MSI2: variants seen among roughly 807,000 people sequenced by gnomAD.
MSI2 encodes the protein musashi RNA binding protein 2.
Under a neutral mutation model 45.6 loss-of-function variants are expected in MSI2, and 17 were observed. The ratio of observed to expected loss-of-function variants is 0.37; its 90% CI spans 0.26 to 0.56. The LOEUF (loss-of-function observed/expected upper bound fraction) is 0.56, where lower values mean the gene tolerates loss of function less well. Among genes scored for constraint, MSI2 ranks in the 20% least tolerant of loss-of-function variants. The pLI is 0.77. For missense variants in MSI2, 293 were observed against 444.2 expected (o/e 0.66, Z 3.06); for synonymous variants, 156 against 158.2 (o/e 0.99, Z 0.11).
chr17:57,414,125 A>ATTCAGTTTTAT (rs2084248995), intron 6 of MSI2, among the ~76,000 whole-genome samples: 2 of 149,910 alleles, frequency 1.3e-5, no homozygotes, highest in African/African-American at 5.1e-5. Flanking sequence ...AGAAACCAGG[A>ATTCAGTTTTAT]GCTGAGAGAA....
chr17:57,504,553 G>A (rs747640597), intron 6 of MSI2, among the ~76,000 whole-genome samples: 3 of 152,124 alleles, frequency 2.0e-5, no homozygotes, highest in Non-Finnish European at 2.9e-5. Flanking sequence ...AAAAGTAACC[G>A]GGTCACAGTC....
intron 5 of MSI2, among the ~76,000 whole-genome samples, chr17:57,272,333 G>A (rs1396243074): frequency 2.6e-5 from 4 of 152,112 alleles, no homozygotes; most frequent in African/African-American, 4.8e-5. Context: ...GATACCTGCC[G>A]GAGCCTGGCT....
At chr17:57,513,188 G>A (rs991894063) in intron 6 of MSI2, among the ~76,000 whole-genome samples, 10 of 151,906 alleles carry the variant, frequency 6.6e-5, no homozygotes, top group Admixed American at 4.6e-4. Context: ...TGGTTAGGCT[G>A]GTCTCAAACT....
chr17:57,412,960 G>A (rs1369969435), intron 6 of MSI2, among the ~76,000 whole-genome samples: 1 of 152,228 alleles, frequency 6.6e-6, no homozygotes, highest in African/African-American at 2.4e-5. Flanking sequence ...CCATAGGGTT[G>A]TCATGAGGAT....
Position 57,681,820 on chromosome 17 carries a change from A to AC in MSI2, c.*2303_*2304insC, listed in dbSNP as rs573871239. 108 of 124,484 alleles carry AC rather than the reference A, an allele frequency of 8.7e-4. 2 individuals carry two copies. The highest frequency in any genetic ancestry group is 3.3e-3 in the African/African-American group (101 of 30,988). 7.7% of individuals were successfully genotyped at this position (124,484 alleles called of 1,614,324 possible). A position where few individuals can be genotyped will look rare whatever the true frequency, so the allele number is the denominator to read the frequency against. ...AAACAACAAAACATAAGTTTTATTTAAAAAAAAAAAAAGAAAGAAAAAATA... is the reference window on the plus strand; with the variant it reads ...AAACAACAAAACATAAGTTTTATTTACAAAAAAAAAAAAGAAAGAAAAAATA... On this transcript the variant is annotated 3_prime_UTR_variant, in exon 14 of 14. Coordinates refer to ENST00000284073, the MANE Select transcript of MSI2 (RefSeq NM_138962.4).
chr17:57,392,179 G>T (rs977360926), intron 5 of MSI2, among the ~76,000 whole-genome samples: 3 of 152,142 alleles, frequency 2.0e-5, no homozygotes, highest in Admixed American at 2.0e-4. Flanking sequence ...TACCTTTGTC[G>T]GTTACCTCCC....
In MSI2 at chr17:57,590,987, C is replaced by T. The variant is rs551321890; in HGVS notation, c.455-5881C>T. Reference sequence around the variant, plus strand: ...TTCACAGGGGTAACCCAGAGGGCCCCGATGGAGTGCCAGCCCTCACAGACT... The same window carrying T: ...TTCACAGGGGTAACCCAGAGGGCCCTGATGGAGTGCCAGCCCTCACAGACT... On this transcript the variant is annotated intron_variant, in intron 7 of 13. Transcript: ENST00000284073. 4.6e-5 allele frequency among the ~76,000 whole-genome samples: 7 copies of T among 152,308 alleles called. No individual in the cohort carries two copies. The South Asian group carries it at 1.0e-3, about 23-fold the overall frequency.
At chr17:57,292,700 C>T (rs1254245594) in intron 5 of MSI2, among the ~76,000 whole-genome samples, 2 of 152,148 alleles carry the variant, frequency 1.3e-5, no homozygotes, top group Non-Finnish European at 2.9e-5. Context: ...TGTGGCTCCA[C>T]GATGCCCTTG....
At chr17:57,433,054 C>A (rs1267780438) in intron 6 of MSI2, among the ~76,000 whole-genome samples, 1 of 152,174 alleles carries the variant, frequency 6.6e-6, no homozygotes, top group Admixed American at 6.5e-5. Flanking sequence ...CAGTTCACGT[C>A]CGTGGGCCCT....
chr17:57,671,210 C>A (rs1912747275), intron 11 of MSI2, among the ~76,000 whole-genome samples: 1 of 152,180 alleles, frequency 6.6e-6, no homozygotes, highest in Non-Finnish European at 1.5e-5. Flanking sequence ...TAGAGCAGGG[C>A]TTGTCCCAAG....
intron 7 of MSI2, among the ~76,000 whole-genome samples, chr17:57,535,619 AG>A (rs1346668673): frequency 7.9e-5 from 12 of 152,198 alleles, no homozygotes; most frequent in Admixed American, 6.5e-5. Context: ...ACCCACTGGA[AG>A]GGGGTGGGAT....
intron 9 of MSI2, among the ~76,000 whole-genome samples, chr17:57,624,523 G>A (rs769443553): frequency 6.6e-6 from 1 of 152,122 alleles, no homozygotes; most frequent in Non-Finnish European, 1.5e-5. Flanking sequence ...TTTCTCCGTC[G>A]GGTTGCTGAG....
chr17:57,261,501 A>T (rs1185038856), intron 4 of MSI2, among the ~76,000 whole-genome samples: 1 of 152,010 alleles, frequency 6.6e-6, no homozygotes, highest in East Asian at 1.9e-4. Context: ...TCAAAAAATT[A>T]TTTTTTATCT....
At chr17:57,506,419 A>T (rs1368275657) in intron 6 of MSI2, among the ~76,000 whole-genome samples, 2 of 152,370 alleles carry the variant, frequency 1.3e-5, no homozygotes, top group East Asian at 3.9e-4. Context: ...CAGAGATGTG[A>T]TAAAGATGGC....
chr17:57,538,715 G>T (rs539507775), intron 7 of MSI2, among the ~76,000 whole-genome samples: 1 of 152,224 alleles, frequency 6.6e-6, no homozygotes, highest in South Asian at 2.1e-4. Context: ...AAACCCTTTC[G>T]TGGTTGTTTT....
Position 57,627,158 on chromosome 17 carries a change from T to G in MSI2, c.653-71T>G. ...ACTCAGGCTTTCCTCATTGCCACCC[T>G]CCGTGAGATTTTACCCCAGACCTGA... On this transcript the variant is annotated intron_variant, in intron 9 of 13. Transcript: ENST00000284073. This position sits in a 1 kb window ranked among gnomAD's most constrained non-coding sequence, Gnocchi z 4.6. 7.5e-7 allele frequency: 1 copy of G among 1,335,920 alleles called. No individual in the cohort carries two copies. Among genetic ancestry groups the G allele is most frequent in the East Asian group, 2.3e-5 (1 of 43,472 alleles). 82.8% of individuals were successfully genotyped at this position (1,335,920 alleles called of 1,614,324 possible).
At chr17:57,262,086 G>GATTAATCACCTAATT in intron 4 of MSI2, 65 bp from the exon 5 acceptor site, 12 of 1,470,126 alleles carry the variant, frequency 8.2e-6, no homozygotes, top group Non-Finnish European at 1.1e-5. Flanking sequence ...ATAATTAGGT[G>GATTAATCACCTAATT]ATTAATCATA....
At chr17:57,370,442 C>T (rs1321236934) in intron 5 of MSI2, among the ~76,000 whole-genome samples, 2 of 152,152 alleles carry the variant, frequency 1.3e-5, no homozygotes, top group Non-Finnish European at 2.9e-5. Context: ...GGCCTTTTGC[C>T]TTCCAGTGTT....
In MSI2 at chr17:57,598,496, T is replaced by A. The variant is rs139081967; in HGVS notation, c.537+1546T>A. Among the ~76,000 whole-genome samples, 52 of 152,294 alleles carry A rather than the reference T, an allele frequency of 3.4e-4. 1 individual carries two copies. The East Asian group carries it at 9.6e-3, about 28-fold the overall frequency. On this transcript the variant is annotated intron_variant, in intron 8 of 13. Transcript: ENST00000284073. ...TCATATGCATCTGAAATGAAAATAC[T>A]CTTTTTTTGCGTACTGTATGTTGGA...
Sources: gnomAD v4.1 joint callset for allele counts (sites outside exome capture counted in the v4.1 genomes callset) on GRCh38, gnomAD v4.1.1 for gene constraint, Gnocchi (gnomAD v3.1) non-coding constraint, MANE v1.5 for transcripts, NCBI Gene and HGNC (gene_info 2026-07-23, HGNC 2026-07-21) for gene names.